MED27: variants seen among roughly 807,000 people sequenced by gnomAD.
MED27 encodes the protein mediator of RNA polymerase II transcription subunit 27.
In MED27, 30 loss-of-function variants were observed where a neutral mutation model predicts 38.2. That is an observed-to-expected ratio of 0.79 (90% CI 0.59 to 1.07). MED27 has a LOEUF of 1.07. Ranked by LOEUF, MED27 falls within the 50% of genes least tolerant of loss-of-function variation. The pLI, the probability that MED27 is intolerant of heterozygous loss-of-function variation, is 0.00. For synonymous variants in MED27, 122 were observed against 153.5 expected (o/e 0.79, Z 1.52); for missense variants, 289 against 397.5 (o/e 0.73, Z 2.32).
chr9:132,045,137 T>A (rs552382657), intron 2 of MED27, among the ~76,000 whole-genome samples: 2 of 151,960 alleles, frequency 1.3e-5, no homozygotes, highest in Non-Finnish European at 2.9e-5. Context: ...GGAGATACTT[T>A]AAAAAAACAA....
At chr9:131,954,190 G>A (rs751888168) in intron 3 of MED27, among the ~76,000 whole-genome samples, 36 of 152,172 alleles carry the variant, frequency 2.4e-4, no homozygotes, top group Non-Finnish European at 3.5e-4. Flanking sequence ...AGTGGCCAGG[G>A]TGTTTAGGTA....
intron 6 of MED27, among the ~76,000 whole-genome samples, chr9:131,864,990 C>G (rs1017770915): frequency 1.3e-5 from 2 of 152,238 alleles, no homozygotes; most frequent in African/African-American, 4.8e-5. Context: ...ACTTTCACGG[C>G]CTGCCCCATA....
At chr9:132,060,170 G>C (rs1006433147) in intron 2 of MED27, among the ~76,000 whole-genome samples, 6 of 152,166 alleles carry the variant, frequency 3.9e-5, no homozygotes, top group Non-Finnish European at 8.8e-5. Context: ...TCACTGATTA[G>C]CATAGGTATG....
intron 4 of MED27, among the ~76,000 whole-genome samples, chr9:131,906,529 G>A (rs912910307): frequency 6.6e-6 from 1 of 152,348 alleles, no homozygotes; most frequent in South Asian, 2.1e-4. Context: ...AGTTTTGTCT[G>A]GGTGAAATGG....
intron 3 of MED27, among the ~76,000 whole-genome samples, chr9:132,009,851 T>C (rs1409816021): frequency 1.3e-5 from 2 of 152,236 alleles, no homozygotes; most frequent in Non-Finnish European, 2.9e-5. Flanking sequence ...TGAAAGGATT[T>C]TCTTAATGAC....
intron 3 of MED27, among the ~76,000 whole-genome samples, chr9:132,000,997 G>A (rs1832219366): frequency 6.6e-6 from 1 of 152,090 alleles, no homozygotes; most frequent in South Asian, 2.1e-4. Flanking sequence ...CTACTTGGGA[G>A]GCTGAGGCAG....
chr9:132,009,167 G>A (rs746783972), intron 3 of MED27, among the ~76,000 whole-genome samples: 3 of 152,104 alleles, frequency 2.0e-5, no homozygotes, highest in Non-Finnish European at 2.9e-5. Flanking sequence ...ATTCATCTCC[G>A]AATCCCCAGC....
intron 4 of MED27, among the ~76,000 whole-genome samples, chr9:131,922,529 C>G (rs1830413190): frequency 6.6e-6 from 1 of 151,726 alleles, no homozygotes; most frequent in Non-Finnish European, 1.5e-5. Flanking sequence ...CAACCTCCAC[C>G]TCCCAGGTTC....
At chr9:131,952,365 GGAAGCA>G (rs1322335225) in intron 3 of MED27, among the ~76,000 whole-genome samples, 3 of 152,326 alleles carry the variant, frequency 2.0e-5, no homozygotes, top group Middle Eastern at 3.4e-3. Context: ...TGGACTGGGG[GGAAGCA>G]GAAGTCACCC....
chr9:131,974,386 G>A (rs1178906186), intron 3 of MED27, among the ~76,000 whole-genome samples: 2 of 152,180 alleles, frequency 1.3e-5, no homozygotes, highest in Non-Finnish European at 2.9e-5. Flanking sequence ...AGGCTCCTGT[G>A]TCAGACTGAC....
intron 6 of MED27, among the ~76,000 whole-genome samples, chr9:131,879,728 G>A (rs920350052): frequency 6.6e-6 from 1 of 152,134 alleles, no homozygotes; most frequent in Non-Finnish European, 1.5e-5. Flanking sequence ...CCCCACCCTC[G>A]CCAGTCGACT....
chr9:132,009,561 A>G (rs1468694189), intron 3 of MED27, among the ~76,000 whole-genome samples: 1 of 152,186 alleles, frequency 6.6e-6, no homozygotes, highest in African/African-American at 2.4e-5. Context: ...AGAGGAACCG[A>G]GATCTCCTGC....
At chr9:132,013,944 AC>A (rs1297262281) in intron 3 of MED27, among the ~76,000 whole-genome samples, 1 of 152,096 alleles carries the variant, frequency 6.6e-6, no homozygotes, top group Non-Finnish European at 1.5e-5. Flanking sequence ...GGTAGCTCAT[AC>A]CTGTAATCCC....
At chr9:131,924,053 A>G (rs1830441578) in intron 4 of MED27, among the ~76,000 whole-genome samples, 1 of 152,188 alleles carries the variant, frequency 6.6e-6, no homozygotes, top group African/African-American at 2.4e-5. Context: ...GCTATTTCCA[A>G]TATTCTACAA....
chr9:132,029,317 A>G (rs1012372020), intron 2 of MED27, among the ~76,000 whole-genome samples: 1 of 152,256 alleles, frequency 6.6e-6, no homozygotes, highest in African/African-American at 2.4e-5. Flanking sequence ...TATAAAAAAG[A>G]AAATCCATCA....
intron 3 of MED27, among the ~76,000 whole-genome samples, chr9:132,002,537 GACTTATA>G (rs1271901006): frequency 6.6e-6 from 1 of 152,124 alleles, no homozygotes; most frequent in Non-Finnish European, 1.5e-5. Flanking sequence ...GCTTCTTGAT[GACTTATA>G]ACCCTAACCA....
chr9:131,964,225 C>T (rs1320043510), intron 3 of MED27, among the ~76,000 whole-genome samples: 3 of 77,076 alleles, frequency 3.9e-5, no homozygotes, highest in African/African-American at 1.5e-4. Context: ...GTGTTAAGTG[C>T]TTAGAACAGT....
chr9:131,899,185 C>T (rs1412499227), intron 4 of MED27, among the ~76,000 whole-genome samples: 3 of 152,172 alleles, frequency 2.0e-5, no homozygotes, highest in Non-Finnish European at 2.9e-5. Context: ...AGCCAGTTAA[C>T]GTCAAAGCTG....
At chr9:131,895,283 C>T (rs938068826) in intron 4 of MED27, among the ~76,000 whole-genome samples, 6 of 152,194 alleles carry the variant, frequency 3.9e-5, no homozygotes, top group Admixed American at 3.9e-4. Flanking sequence ...GACCCACCCG[C>T]CCATAGTGCG....
Sources: gnomAD v4.1 joint callset for allele counts (sites outside exome capture counted in the v4.1 genomes callset) on GRCh38, gnomAD v4.1.1 for gene constraint, MANE v1.5 for transcripts, NCBI Gene and HGNC (gene_info 2026-07-23, HGNC 2026-07-21) for gene names.